TMEM74: variants seen among roughly 807,000 people sequenced by gnomAD.
TMEM74 encodes transmembrane protein 74.
TMEM74 carries 13 observed loss-of-function variants against 18.1 expected under a neutral mutation model. The observed-to-expected ratio is 0.72, with a 90% CI of 0.47 to 1.14. TMEM74 has a LOEUF of 1.14. Ranked by LOEUF, TMEM74 falls within the 50% of genes most tolerant of loss-of-function variation. The pLI, the probability that TMEM74 is intolerant of heterozygous loss-of-function variation, is 0.00. For synonymous variants in TMEM74, 159 were observed against 146.6 expected, an observed-to-expected ratio of 1.08 and a Z score of -0.61; for missense variants, 372 against 375.9, an observed-to-expected ratio of 0.99 and a Z score of 0.09.
intron 1 of TMEM74, among the ~76,000 whole-genome samples, chr8:108,747,749 G>T (rs1813864532): frequency 9.5e-6 from 1 of 104,740 alleles, no homozygotes; most frequent in African/African-American, 3.8e-5. Flanking sequence ...AGTGTCTGTT[G>T]TTTCCCCCCT....
intron 2 of TMEM74, among the ~76,000 whole-genome samples, chr8:108,650,177 T>C (rs1586247287): frequency 6.6e-6 from 1 of 152,172 alleles, no homozygotes. Flanking sequence ...TGTTGTCCCA[T>C]CATCTTCCCC....
intron 1 of TMEM74, among the ~76,000 whole-genome samples, chr8:108,727,716 T>C (rs1055439713): frequency 1.3e-5 from 2 of 152,112 alleles, no homozygotes; most frequent in African/African-American, 2.4e-5. Flanking sequence ...TCAATTATAT[T>C]GAAAGACATG....
At chr8:108,716,886 C>T (rs971114954) in intron 1 of TMEM74, among the ~76,000 whole-genome samples, 1 of 151,324 alleles carries the variant, frequency 6.6e-6, no homozygotes, top group African/African-American at 2.4e-5. Context: ...AGAGAGGGAA[C>T]ACTGAAATAT....
intron 1 of TMEM74, among the ~76,000 whole-genome samples, chr8:108,656,897 C>G (rs1331502227): frequency 2.6e-5 from 4 of 152,068 alleles, no homozygotes; most frequent in Non-Finnish European, 4.4e-5. Context: ...TCATATTGAA[C>G]TTGAATGAAA....
At chr8:108,746,895 G>A (rs867556083) in intron 1 of TMEM74, among the ~76,000 whole-genome samples, 4 of 152,124 alleles carry the variant, frequency 2.6e-5, no homozygotes, top group East Asian at 3.9e-4. Flanking sequence ...GAAGTCCCAC[G>A]TCCCTTTCCT....
intron 1 of TMEM74, among the ~76,000 whole-genome samples, chr8:108,765,386 G>A (rs1814093259): frequency 1.4e-5 from 2 of 142,798 alleles, no homozygotes; most frequent in African/African-American, 5.1e-5. Context: ...ACCTAACTAA[G>A]GTCTTAGCAG....
At chr8:108,724,880 G>A (rs1399514201) in intron 1 of TMEM74, among the ~76,000 whole-genome samples, 2 of 152,142 alleles carry the variant, frequency 1.3e-5, no homozygotes, top group African/African-American at 2.4e-5. Flanking sequence ...GAAGATATCA[G>A]ACCATATAAT....
chr8:108,785,480 C>G (rs936848846), intron 1 of TMEM74, among the ~76,000 whole-genome samples: 27 of 152,156 alleles, frequency 1.8e-4, no homozygotes, highest in African/African-American at 6.5e-4. Flanking sequence ...AACGAGAAGG[C>G]AAGTTTCCTG....
chr8:108,698,347 A>G (rs1032756624), intron 1 of TMEM74, among the ~76,000 whole-genome samples: 5 of 152,204 alleles, frequency 3.3e-5, no homozygotes, highest in South Asian at 4.1e-4. Context: ...ACTGTGAGGC[A>G]TAAGGCTTGG....
intron 1 of TMEM74, among the ~76,000 whole-genome samples, chr8:108,699,530 C>T (rs1300868189): frequency 6.6e-6 from 1 of 151,848 alleles, no homozygotes; most frequent in African/African-American, 2.4e-5. Flanking sequence ...TGACATTGGC[C>T]AGAATACCTC....
chr8:108,746,117 C>T (rs955236974), intron 1 of TMEM74, among the ~76,000 whole-genome samples: 20 of 152,212 alleles, frequency 1.3e-4, no homozygotes, highest in Admixed American at 3.9e-4. Flanking sequence ...GTTTTGTCTG[C>T]GGCTCGTCCT....
intron 1 of TMEM74, among the ~76,000 whole-genome samples, chr8:108,708,718 C>A (rs760236641): frequency 2.9e-5 from 4 of 139,860 alleles, no homozygotes; most frequent in Non-Finnish European, 6.0e-5. Flanking sequence ...GAATAAAATG[C>A]AGTCTATGGA....
At chr8:108,672,724 A>G (rs1813015598) in intron 1 of TMEM74, among the ~76,000 whole-genome samples, 1 of 152,236 alleles carries the variant, frequency 6.6e-6, no homozygotes, top group Non-Finnish European at 1.5e-5. Flanking sequence ...CTTTCCTCCT[A>G]TCCCTCAGAT....
chr8:108,627,651 A>C (rs906567446), intron 2 of TMEM74, among the ~76,000 whole-genome samples: 1 of 152,070 alleles, frequency 6.6e-6, no homozygotes, highest in African/African-American at 2.4e-5. Flanking sequence ...CAATGTGGTC[A>C]CTAAAGGAAT....
At chr8:108,623,021 T>C (rs1038451712) in intron 2 of TMEM74, among the ~76,000 whole-genome samples, 1 of 152,098 alleles carries the variant, frequency 6.6e-6, no homozygotes, top group Non-Finnish European at 1.5e-5. Flanking sequence ...AGAAAAACTA[T>C]GGTGGTGTGG....
Position 108,671,292 on chromosome 8 carries a change from A to C in TMEM74, n.120-15855T>G, listed in dbSNP as rs117326526. Among the ~76,000 whole-genome samples, 69 of 152,262 alleles carry C rather than the reference A, an allele frequency of 4.5e-4. No individual in the cohort carries two copies. In the Middle Eastern group the frequency reaches 0.01, roughly 23 times the overall value. On this transcript the variant is annotated intron_variant and non_coding_transcript_variant, in intron 1 of 3. Transcript: ENST00000518838. ...TTAAATACTAGCTCAAGCTCCCACA[A>C]TATCTTGGTTTTCTATGTGGCAAGA...
intron 1 of TMEM74, among the ~76,000 whole-genome samples, chr8:108,727,216 A>T (rs1462578329): frequency 6.6e-6 from 1 of 152,166 alleles, no homozygotes; most frequent in African/African-American, 2.4e-5. Context: ...GCTTCTGTAA[A>T]GTTTTGAGCA....
chr8:108,649,219 AG>A (rs1218202821), intron 2 of TMEM74, among the ~76,000 whole-genome samples: 1 of 152,156 alleles, frequency 6.6e-6, no homozygotes, highest in Non-Finnish European at 1.5e-5. Flanking sequence ...TCTAAATTTC[AG>A]TATCTGCATC....
At chr8:108,756,688 GAAAGAAA>G (rs1563543791) in intron 1 of TMEM74, among the ~76,000 whole-genome samples, 11 of 109,072 alleles carry the variant, frequency 1.0e-4, no homozygotes, top group Middle Eastern at 4.6e-3. Context: ...AAGAAAGAAA[GAAAGAAA>G]GAAGGAAGGA....
Sources: allele counts gnomAD v4.1 joint callset (sites outside exome capture counted in the v4.1 genomes callset), GRCh38; gene constraint gnomAD v4.1.1; transcripts MANE v1.5; gene names NCBI Gene and HGNC (gene_info 2026-07-23, HGNC 2026-07-21).